DMD: variants seen among roughly 807,000 people sequenced by gnomAD.
The protein encoded by DMD is dystrophin, also known as mutant dystrophin.
DMD carries 63 observed loss-of-function variants against 330.1 expected under a neutral mutation model. The observed-to-expected ratio is 0.19, with a 90% CI of 0.16 to 0.24. The LOEUF is 0.24. Ranked by LOEUF, DMD falls within the 10% of genes least tolerant of loss-of-function variation. The pLI, the probability that DMD is intolerant of heterozygous loss-of-function variation, is 1.00. For synonymous variants in DMD, 1,223 were observed against 959.8 expected (o/e 1.27, Z -5.07); for missense variants, 3,344 against 2,684.1 (o/e 1.25, Z -5.43).
chrX:31,462,218 G>A (rs1163626916), intron 59 of DMD, among the ~76,000 whole-genome samples: 1 of 111,931 alleles, frequency 8.9e-6, no homozygotes, highest in Non-Finnish European at 1.9e-5. Context: ...TGTGGCTTAC[G>A]CCTGTAATCC....
At chrX:32,882,054 G>A (rs1037162241) in intron 2 of DMD, among the ~76,000 whole-genome samples, 1 of 111,965 alleles carries the variant, frequency 8.9e-6, no homozygotes, top group Non-Finnish European at 1.9e-5. Context: ...AATTTAGCTT[G>A]TGTTTTGTTT....
intron 44 of DMD, among the ~76,000 whole-genome samples, chrX:31,999,082 G>A (rs1278040740): frequency 8.9e-6 from 1 of 111,811 alleles, no homozygotes; most frequent in Non-Finnish European, 1.9e-5. Flanking sequence ...AAGTCAATTT[G>A]GAGAAGTGCA....
At chrX:32,839,764 T>C (rs1449604192) in intron 4 of DMD, among the ~76,000 whole-genome samples, 1 of 109,397 alleles carries the variant, frequency 9.1e-6, no homozygotes, top group African/African-American at 3.3e-5. Flanking sequence ...CAGGCTGGAG[T>C]GCAGTGGCAC....
chrX:32,550,550 C>A (rs1236413549), intron 16 of DMD, among the ~76,000 whole-genome samples: 2 of 110,739 alleles, frequency 1.8e-5, no homozygotes, highest in Admixed American at 1.9e-4. Context: ...AGAAGGATCT[C>A]TAATTACAAA....
intron 60 of DMD, among the ~76,000 whole-genome samples, chrX:31,396,137 A>ATT (rs773913224): frequency 0.16 from 14,452 of 89,802 alleles, 1,467 homozygotes; most frequent in African/African-American, 0.37. Context: ...AAAGATGACA[A>ATT]TTTTTTTTTT....
Position 32,342,247 on chromosome X carries a change from C to A in DMD, c.5775G>T (p.Glu1925Asp), listed in dbSNP as rs1800272. The change falls in exon 41 of 79, where the codon GAG (glutamate) becomes GAT (aspartate). Residue 1925 changes from glutamate to aspartate, a missense_variant. Coordinates refer to ENST00000357033, the MANE Select transcript of DMD (RefSeq NM_004006.3). The stretch of plus-strand genomic sequence containing the variant: ...CAGCTTGCCTACGCACTGCATTCAG[C>A]TCCTCTTTCTTCTTCTGCAATTCCC... Reference protein sequence around the residue: ...IDRELQKKKEELNAVRRQAEG... With the variant: ...IDRELQKKKEDLNAVRRQAEG... The A allele has an allele frequency of 9.1e-6, 11 of 1,209,652 alleles. No homozygotes were observed. The highest frequency in any genetic ancestry group is 1.1e-5 in the Non-Finnish European group (10 of 895,207).
At chrX:32,770,202 T>C (rs952609772) in intron 7 of DMD, among the ~76,000 whole-genome samples, 8 of 111,750 alleles carry the variant, frequency 7.2e-5, no homozygotes, top group African/African-American at 2.6e-4. Context: ...TGCTTAGACC[T>C]GTCATCTTCA....
chrX:31,616,638 A>C (rs1327650843), intron 55 of DMD, among the ~76,000 whole-genome samples: 1 of 112,481 alleles, frequency 8.9e-6, no homozygotes, highest in South Asian at 3.7e-4. Flanking sequence ...ACAAGTGAAT[A>C]AAGCAGATGA....
chrX:33,067,887 C>A (rs935742520), intron 1 of DMD, among the ~76,000 whole-genome samples: 23 of 111,134 alleles, frequency 2.1e-4, no homozygotes, highest in Admixed American at 1.5e-3. Flanking sequence ...AATAAAAATT[C>A]TTTAGTGAGA....
intron 53 of DMD, 115 bp from the exon 54 acceptor site, chrX:31,658,259 T>C (rs1603441773): frequency 1.4e-5 from 12 of 835,767 alleles, no homozygotes; most frequent in Admixed American, 1.2e-4. Flanking sequence ...AGAATACATA[T>C]ATTAGATTGC....
At chrX:31,357,495 G>A (rs2058733039) in intron 60 of DMD, among the ~76,000 whole-genome samples, 1 of 111,691 alleles carries the variant, frequency 9.0e-6, no homozygotes. Flanking sequence ...CTCAGTGGCA[G>A]AAGCTTTTAT....
At chrX:32,481,204 A>T (rs2041857875) in intron 21 of DMD, among the ~76,000 whole-genome samples, 1 of 110,402 alleles carries the variant, frequency 9.1e-6, no homozygotes, top group African/African-American at 3.3e-5. Flanking sequence ...TTTTCTTTCA[A>T]TTCTGGCAAG....
intron 52 of DMD, among the ~76,000 whole-genome samples, chrX:31,721,751 A>AT (rs2085578746): frequency 1.3e-5 from 1 of 74,223 alleles, no homozygotes; most frequent in Non-Finnish European, 2.5e-5. Flanking sequence ...TATATCTCCT[A>AT]ATTATTAGAT....
chrX:32,042,898 A>G (rs1242910037), intron 44 of DMD, among the ~76,000 whole-genome samples: 1 of 112,367 alleles, frequency 8.9e-6, no homozygotes, highest in Admixed American at 9.4e-5. Flanking sequence ...GTTTGTGGAA[A>G]TGTTCTAAGA....
chrX:31,866,656 A>C (rs773923437), intron 48 of DMD, among the ~76,000 whole-genome samples: 31 of 112,408 alleles, frequency 2.8e-4, no homozygotes, highest in Admixed American at 4.7e-4. Context: ...AATAAGACTT[A>C]CTAATGGTTA....
intron 1 of DMD, among the ~76,000 whole-genome samples, chrX:33,162,326 G>A (rs762641780): frequency 1.1e-4 from 12 of 111,745 alleles, no homozygotes; most frequent in East Asian, 2.8e-4. Flanking sequence ...GTTGACTGCC[G>A]AAGTGTATAT....
intron 51 of DMD, among the ~76,000 whole-genome samples, chrX:31,755,581 C>A (rs763862394): frequency 1.4e-4 from 16 of 111,543 alleles, no homozygotes; most frequent in Non-Finnish European, 2.8e-4. Context: ...AATAGTTGGC[C>A]TTGCATAATA....
intron 52 of DMD, among the ~76,000 whole-genome samples, chrX:31,719,343 C>T (rs12116007): frequency 0.13 from 14,965 of 111,733 alleles, 864 homozygotes; most frequent in Admixed American, 0.31. Context: ...GTATTTATCT[C>T]ACTAACATAA....
At chrX:32,712,968 C>T (rs2065330573) in intron 7 of DMD, among the ~76,000 whole-genome samples, 1 of 111,168 alleles carries the variant, frequency 9.0e-6, no homozygotes, top group African/African-American at 3.3e-5. Context: ...CAGTTGAAGG[C>T]TTTATTAGCT....
Sources: allele counts gnomAD v4.1 joint callset (sites outside exome capture counted in the v4.1 genomes callset), GRCh38; gene constraint gnomAD v4.1.1; transcripts MANE v1.5; gene names NCBI Gene and HGNC (gene_info 2026-07-23, HGNC 2026-07-21).